ADGB: variants seen among roughly 807,000 people sequenced by gnomAD.
ADGB encodes androglobin.
A neutral mutation model predicts 210.5 loss-of-function variants in ADGB; 172 were observed. That is an observed-to-expected ratio of 0.82 (90% CI 0.72 to 0.93). ADGB has a LOEUF of 0.93. ADGB is among the 40% of genes least tolerant of loss of function. The pLI is 0.00. For synonymous variants in ADGB, 658 were observed against 662.7 expected (o/e 0.99, Z 0.11); for missense variants, 2,025 against 1,964.8 (o/e 1.03, Z -0.58).
intron 35 of ADGB, among the ~76,000 whole-genome samples, chr6:146,811,143 C>T (rs1778296887): frequency 1.3e-5 from 2 of 152,226 alleles, no homozygotes; most frequent in Middle Eastern, 3.4e-3. Flanking sequence ...CCTTATGACC[C>T]CAGCTCCCAA....
intron 29 of ADGB, among the ~76,000 whole-genome samples, chr6:146,771,941 C>A (rs750135813): frequency 6.6e-6 from 1 of 152,050 alleles, no homozygotes; most frequent in Non-Finnish European, 1.5e-5. Context: ...TTTTGTTTTG[C>A]TTTTTGTTTT....
chr6:146,697,807 T>A (rs894627229), intron 12 of ADGB, among the ~76,000 whole-genome samples: 3 of 152,102 alleles, frequency 2.0e-5, no homozygotes, highest in African/African-American at 7.2e-5. Flanking sequence ...CTAAAAAGAC[T>A]AAGTAATATA....
rs536790354 is a variant in ADGB at position 146,795,158 on chromosome 6, C to A, written c.4538-6025C>A. Reference sequence around the variant, plus strand: ...AGCAAATTGCTAAGTAAACAAACAACTAAACAAAGAAAACCCACAATAATC... The same window carrying A: ...AGCAAATTGCTAAGTAAACAAACAAATAAACAAAGAAAACCCACAATAATC... On this transcript the variant is annotated intron_variant, in intron 33 of 35. Transcript: ENST00000397944. 2.0e-5 allele frequency among the ~76,000 whole-genome samples: 3 copies of A among 152,220 alleles called. No homozygotes were observed. In the East Asian group the frequency reaches 5.8e-4, roughly 29 times the overall value.
intron 13 of ADGB, among the ~76,000 whole-genome samples, chr6:146,708,189 A>ATTG (rs1289687022): frequency 6.6e-6 from 1 of 152,030 alleles, no homozygotes; most frequent in Admixed American, 6.6e-5. Flanking sequence ...AATTATTATT[A>ATTG]TTTTAGTAAT....
chr6:146,806,013 CAA>C lies in ADGB; in HGVS notation c.4818+4005_4818+4006del, dbSNP rs199839807. On this transcript the variant is annotated intron_variant, in intron 35 of 35. Transcript: ENST00000397944. ...GACCTTCAGAGGAATGTCTGTTTTG[CAA>C]AAGTTTGTTTGATTAATGAATCAGT... Among the ~76,000 whole-genome samples the C allele has an allele frequency of 1.4e-3, 213 of 152,130 alleles. 2 individuals are homozygous for C. Among genetic ancestry groups the C allele is most frequent in the African/African-American group, 5.0e-3 (209 of 41,500 alleles).
chr6:146,666,535 A>G (rs747729822), intron 6 of ADGB, among the ~76,000 whole-genome samples: 2 of 151,972 alleles, frequency 1.3e-5, no homozygotes, highest in Non-Finnish European at 2.9e-5. Flanking sequence ...TTCATAATAT[A>G]TAATGTGAAT....
Position 146,788,376 on chromosome 6 carries a change from T to C in ADGB, c.4316-13T>C, listed in dbSNP as rs376111088. 3.2e-6 allele frequency: 5 copies of C among 1,549,732 alleles called. No individual in the cohort carries two copies. Among genetic ancestry groups the C allele is most frequent in the African/African-American group, 1.4e-5 (1 of 72,994 alleles). Reference sequence around the variant, plus strand: ...ACGCCAGCTTTTTCAGTAATGCACATGTCATGTTGTAGTAGAAACAGCTGC... The same window carrying C: ...ACGCCAGCTTTTTCAGTAATGCACACGTCATGTTGTAGTAGAAACAGCTGC... On this transcript the variant is annotated splice_polypyrimidine_tract_variant and intron_variant, in intron 32 of 35. Transcript: ENST00000397944.
At chr6:146,656,704 T>C in intron 4 of ADGB, 67 bp from the exon 5 acceptor site, 3 of 1,120,766 alleles carry the variant, frequency 2.7e-6, no homozygotes, top group Non-Finnish European at 3.7e-6. Context: ...TTTACTGTTT[T>C]TATCCCTAAA....
chr6:146,676,513 A>C, intron 9 of ADGB, 72 bp downstream of exon 9: 1 of 1,187,068 alleles, frequency 8.4e-7, no homozygotes, highest in Non-Finnish European at 1.1e-6. Flanking sequence ...CTTGGAACAT[A>C]GAAATACATT....
chr6:146,728,804 C>A, intron 20 of ADGB, 63 bp downstream of exon 20: 1 of 1,320,988 alleles, frequency 7.6e-7, no homozygotes. Context: ...GGTATATCTT[C>A]CATTAGGTGA....
intron 3 of ADGB, 115 bp from the exon 4 acceptor site, chr6:146,654,020 T>C (rs1465416989): frequency 7.4e-6 from 4 of 543,682 alleles, no homozygotes; most frequent in Non-Finnish European, 9.4e-6. Flanking sequence ...CAAGGTCTGA[T>C]TGCAAAAATT....
At chr6:146,801,708 T>C (rs568366132) in intron 34 of ADGB, 120 bp from the exon 35 acceptor site, 1 of 808,522 alleles carries the variant, frequency 1.2e-6, no homozygotes, top group Non-Finnish European at 1.8e-6. Context: ...ATCCCTAATG[T>C]TTTATTTGAC....
intron 19 of ADGB, among the ~76,000 whole-genome samples, chr6:146,728,233 A>T (rs1776925320): frequency 6.6e-6 from 1 of 152,138 alleles, no homozygotes; most frequent in Non-Finnish European, 1.5e-5. Context: ...TTTCTCCCTG[A>T]AATCTCTGTT....
intron 9 of ADGB, among the ~76,000 whole-genome samples, chr6:146,684,982 G>A (rs1776204227): frequency 6.6e-6 from 1 of 152,032 alleles, no homozygotes. Flanking sequence ...TTTATGTTCT[G>A]TGGTCTTAAA....
intron 1 of ADGB, among the ~76,000 whole-genome samples, 180 bp downstream of exon 1, chr6:146,599,294 T>C (rs1780516780): frequency 6.6e-6 from 1 of 152,186 alleles, no homozygotes; most frequent in Non-Finnish European, 1.5e-5. Context: ...TCTCTCTTGC[T>C]TGTCTTGACT....
chr6:146,687,292 C>T (rs1776245818), intron 10 of ADGB, among the ~76,000 whole-genome samples: 2 of 152,132 alleles, frequency 1.3e-5, no homozygotes, highest in African/African-American at 4.8e-5. Context: ...CTTCTCACGC[C>T]TGCCTTTCTT....
chr6:146,643,080 G>A (rs1775541999), intron 2 of ADGB, among the ~76,000 whole-genome samples: 3 of 151,792 alleles, frequency 2.0e-5, no homozygotes, highest in Admixed American at 1.3e-4. Flanking sequence ...TAAAGGAGGG[G>A]AAAATGATGT....
At chr6:146,623,732 T>C (rs971010967) in intron 1 of ADGB, among the ~76,000 whole-genome samples, 3 of 151,952 alleles carry the variant, frequency 2.0e-5, no homozygotes, top group Non-Finnish European at 4.4e-5. Flanking sequence ...TTTCTGTAGA[T>C]GTCATTTATC....
intron 1 of ADGB, among the ~76,000 whole-genome samples, chr6:146,632,435 A>G (rs1781078881): frequency 6.6e-6 from 1 of 152,168 alleles, no homozygotes; most frequent in African/African-American, 2.4e-5. Flanking sequence ...CCATCTCAAG[A>G]TACTTAATCA....
Sources: allele counts gnomAD v4.1 joint callset (sites outside exome capture counted in the v4.1 genomes callset), GRCh38; gene constraint gnomAD v4.1.1; transcripts MANE v1.5; gene names NCBI Gene and HGNC (gene_info 2026-07-23, HGNC 2026-07-21).